The following TMEM114 variants were observed in gnomAD, a reference collection of about 807,000 sequenced individuals.
TMEM114 encodes the protein claudin-26.
In TMEM114, 6 loss-of-function variants were observed where a neutral mutation model predicts 6.2. The ratio of observed to expected loss-of-function variants is 0.97; its 90% CI spans 0.53 to 1.91. TMEM114 has a LOEUF of 1.91. Among genes scored for constraint, TMEM114 ranks in the 40% most tolerant of loss-of-function variants. The probability of loss-of-function intolerance (pLI) is 0.01; values close to 1 mark genes in which losing one functional copy is unlikely to be tolerated. For missense variants in TMEM114, 218 were observed against 158.3 expected (o/e 1.38, Z -2.02); for synonymous variants, 104 against 73.0 (o/e 1.42, Z -2.16).
At chr16:8,581,783 T>C (rs1902159109) in intron 2 of TMEM114, among the ~76,000 whole-genome samples, 1 of 152,202 alleles carries the variant, frequency 6.6e-6, no homozygotes. Context: ...ATTTGAACTT[T>C]TGTTAGTTTA....
chr16:8,554,336 G>A (rs528599586), intron 2 of TMEM114, among the ~76,000 whole-genome samples: 1 of 152,164 alleles, frequency 6.6e-6, no homozygotes, highest in East Asian at 1.9e-4. Flanking sequence ...CAGGAGCATC[G>A]CTTGAGACCA....
At chr16:8,577,812 C>A (rs1054439192) in intron 2 of TMEM114, among the ~76,000 whole-genome samples, 3 of 152,102 alleles carry the variant, frequency 2.0e-5, no homozygotes, top group Admixed American at 1.3e-4. Flanking sequence ...CTCTTGAACT[C>A]CTGACCTCAA....
At chr16:8,544,401 T>G (rs1253006337) in intron 2 of TMEM114, among the ~76,000 whole-genome samples, 1 of 152,206 alleles carries the variant, frequency 6.6e-6, no homozygotes, top group Non-Finnish European at 1.5e-5. Flanking sequence ...AGGAATGCCT[T>G]GTTTACTGGG....
At chr16:8,562,735 A>G (rs1251713513) in intron 2 of TMEM114, among the ~76,000 whole-genome samples, 1 of 151,658 alleles carries the variant, frequency 6.6e-6, no homozygotes, top group Non-Finnish European at 1.5e-5. Context: ...GGAGGGAATG[A>G]GTGACGGAGT....
intron 2 of TMEM114, among the ~76,000 whole-genome samples, chr16:8,576,167 G>A (rs748514772): frequency 6.6e-6 from 1 of 152,140 alleles, no homozygotes; most frequent in Non-Finnish European, 1.5e-5. Context: ...AATATCAAAC[G>A]CCTCCTTCTC....
At chr16:8,564,471 G>T (rs1901447900) in intron 2 of TMEM114, among the ~76,000 whole-genome samples, 1 of 144,566 alleles carries the variant, frequency 6.9e-6, no homozygotes, top group Non-Finnish European at 1.5e-5. Context: ...ATGAGTGAGG[G>T]AGGGACGGAG....
At chr16:8,535,963 T>C (rs8049254), downstream of TMEM114, among the ~76,000 whole-genome samples, 19,983 of 152,202 alleles carry the variant, frequency 0.13, 1,465 homozygotes, top group Middle Eastern at 0.22. Flanking sequence ...CGGTGGCTTA[T>C]GCCTGTAATC....
intron 2 of TMEM114, among the ~76,000 whole-genome samples, chr16:8,588,775 C>G (rs1902392468): frequency 6.6e-6 from 1 of 152,184 alleles, no homozygotes; most frequent in Admixed American, 6.5e-5. Context: ...TGAATACAAA[C>G]AACGCTGGCA....
At position 8,569,753 on chromosome 16, in the gene TMEM114, C is replaced by G; in HGVS notation, c.*20G>C. The G allele has an allele frequency of 6.5e-7, 1 of 1,539,450 alleles. No individual in the cohort carries two copies. The highest frequency in any genetic ancestry group is 8.8e-7 in the Non-Finnish European group (1 of 1,138,784). On this transcript the variant is annotated 3_prime_UTR_variant, in exon 4 of 4. Transcript: ENST00000620492. ...CCGGGGCCAAGCCCCTCCCTCCCCT[C>G]CACGACCCAGCGCCCAGGCTCATAT... is the stretch of plus-strand genomic sequence containing the variant.
At position 8,590,006 on chromosome 16, in the gene TMEM114, C is replaced by A. The variant is rs971997424; in HGVS notation, c.-168G>T. 8.4e-5 allele frequency: 32 copies of A among 382,992 alleles called. No homozygotes were observed. Among genetic ancestry groups the A allele is most frequent in the Admixed American group, 1.8e-4 (4 of 22,148 alleles). The allele number at this position is 382,992 out of a possible 1,614,324, so 23.7% of individuals were successfully genotyped here. A position where few individuals can be genotyped will look rare whatever the true frequency, so the allele number is the denominator to read the frequency against. ...TTTGGACCCCGGGCCCTAGCTTAGA[C>A]CCTGGCTCCTCACCTGCCGGCTCCG... On this transcript the variant is annotated 5_prime_UTR_variant, in exon 1 of 4. Coordinates refer to ENST00000620492, the MANE Select transcript of TMEM114 (RefSeq NM_001146336.2).
chr16:8,576,740 A>AAGGAAGGAAGGAAGGAAGGAAAGAAGGG (rs1567208923), intron 2 of TMEM114, among the ~76,000 whole-genome samples: 6 of 151,732 alleles, frequency 4.0e-5, no homozygotes, highest in African/African-American at 1.5e-4. Context: ...GGAAGGAAGG[A>AAGGAAGGAAGGAAGGAAGGAAAGAAGGG]AGGAAGGAAG....
At chr16:8,562,698 G>A (rs1477829306) in intron 2 of TMEM114, among the ~76,000 whole-genome samples, 1 of 149,268 alleles carries the variant, frequency 6.7e-6, no homozygotes, top group East Asian at 1.9e-4. Flanking sequence ...GGGAATGAGT[G>A]AGTGAGTAAA....
chr16:8,563,105 ATGAGTGAGTGAATGAG>A (rs1901336871), intron 2 of TMEM114, among the ~76,000 whole-genome samples: 1 of 148,676 alleles, frequency 6.7e-6, no homozygotes, highest in Non-Finnish European at 1.5e-5. Flanking sequence ...GAGGGAGGGA[ATGAGTGAGTGAATGAG>A]TGAGTGTGTG....
chr16:8,550,416 C>T (rs759045048), intron 2 of TMEM114, among the ~76,000 whole-genome samples: 4 of 152,254 alleles, frequency 2.6e-5, no homozygotes, highest in Middle Eastern at 3.4e-3. Flanking sequence ...TGCGGTGGCT[C>T]ACGCCTGCAA....
At chr16:8,563,625 G>C (rs933155788) in intron 2 of TMEM114, among the ~76,000 whole-genome samples, 1 of 148,174 alleles carries the variant, frequency 6.7e-6, no homozygotes, top group Non-Finnish European at 1.5e-5. Context: ...GACTGAATGA[G>C]TGAGTGAATG....
intron 2 of TMEM114, among the ~76,000 whole-genome samples, chr16:8,555,608 G>C (rs1427921211): frequency 2.0e-5 from 3 of 152,260 alleles, no homozygotes; most frequent in African/African-American, 4.8e-5. Flanking sequence ...CTTCAATCTG[G>C]TCCGGGGTCC....
At position 8,579,229 on chromosome 16, in the gene TMEM114, G is replaced by A. The variant is rs1004352178; in HGVS notation, c.302-7005C>T. Among the ~76,000 whole-genome samples, 34 of 152,182 alleles carry A rather than the reference G, an allele frequency of 2.2e-4. 1 individual carries two copies. The highest frequency in any genetic ancestry group is 1.9e-3 in the Admixed American group (29 of 15,266). On this transcript the variant is annotated intron_variant, in intron 2 of 3. Coordinates refer to ENST00000620492, the MANE Select transcript of TMEM114 (RefSeq NM_001146336.2). The stretch of plus-strand genomic sequence containing the variant: ...GTCTTCCATGATGCTTGTGAGGTCA[G>A]GAAGCCCCGAGCGGTCAATGCTCTT...
chr16:8,556,633 C>A (rs1901018072), intron 2 of TMEM114, among the ~76,000 whole-genome samples: 1 of 152,034 alleles, frequency 6.6e-6, no homozygotes, highest in Non-Finnish European at 1.5e-5. Flanking sequence ...TCCTGAATAG[C>A]TGGGATTACA....
intron 2 of TMEM114, among the ~76,000 whole-genome samples, chr16:8,561,856 G>GTGAGGGAATGAGTGAGTGAA (rs1901219817): frequency 1.8e-4 from 5 of 27,090 alleles, no homozygotes; most frequent in Admixed American, 1.5e-3. Flanking sequence ...GAATGAATGA[G>GTGAGGGAATGAGTGAGTGAA]TGAGTGAGGG....
Sources: gnomAD v4.1 joint callset for allele counts (sites outside exome capture counted in the v4.1 genomes callset) on GRCh38, gnomAD v4.1.1 for gene constraint, MANE v1.5 for transcripts, NCBI Gene and HGNC (gene_info 2026-07-23, HGNC 2026-07-21) for gene names.